SORCS1: variants seen among roughly 807,000 people sequenced by gnomAD.
SORCS1 encodes VPS10 domain-containing receptor SorCS1.
A neutral mutation model predicts 146.1 loss-of-function variants in SORCS1; 60 were observed. The observed-to-expected ratio is 0.41, with a 90% confidence interval of 0.33 to 0.51. The LOEUF (loss-of-function observed/expected upper bound fraction) is 0.51, where lower values mean the gene tolerates loss of function less well. Among genes scored for constraint, SORCS1 ranks in the 20% least tolerant of loss-of-function variants. The probability of loss-of-function intolerance (pLI) is 0.21; values close to 1 mark genes in which losing one functional copy is unlikely to be tolerated. For missense variants in SORCS1, 1,352 were observed against 1,487.6 expected (o/e 0.91, Z 1.50); for synonymous variants, 637 against 584.0 (o/e 1.09, Z -1.31).
chr10:107,003,072 A>G (rs973503830), intron 1 of SORCS1, among the ~76,000 whole-genome samples: 2 of 152,178 alleles, frequency 1.3e-5, no homozygotes, highest in Non-Finnish European at 2.9e-5. Context: ...CCTGGCCAAC[A>G]TGGTGAAACC....
chr10:106,889,482 G>A (rs74152261), intron 2 of SORCS1, among the ~76,000 whole-genome samples: 8,100 of 151,780 alleles, frequency 0.053, 596 homozygotes, highest in African/African-American at 0.16. Context: ...AGCACTTCCC[G>A]GCCAGGCACG....
At chr10:107,177,152 CTTTT>C in the SORCS1 span, among the ~76,000 whole-genome samples, 1 of 151,898 alleles carries the variant, frequency 6.6e-6, no homozygotes, top group East Asian at 1.9e-4. Context: ...ATAGTTTTGC[CTTTT>C]TTTAACTTGT....
At chr10:106,879,520 T>C (rs1027063770) in intron 2 of SORCS1, among the ~76,000 whole-genome samples, 1 of 152,216 alleles carries the variant, frequency 6.6e-6, no homozygotes, top group South Asian at 2.1e-4. Context: ...TTAGATGACA[T>C]GACAAAAGGG....
At chr10:106,716,827 T>TC (rs1234450903) in intron 6 of SORCS1, among the ~76,000 whole-genome samples, 1 of 152,140 alleles carries the variant, frequency 6.6e-6, no homozygotes, top group African/African-American at 2.4e-5. Flanking sequence ...CATGTTTTTT[T>TC]CTCTCTTAAA....
chr10:106,743,862 A>G (rs1216344882), intron 5 of SORCS1, among the ~76,000 whole-genome samples: 22 of 152,196 alleles, frequency 1.4e-4, no homozygotes, highest in Admixed American at 1.4e-3. Flanking sequence ...CATTCTTACA[A>G]TCCCTCCATC....
chr10:106,831,665 T>C (rs1019539520), intron 2 of SORCS1, among the ~76,000 whole-genome samples: 2 of 151,756 alleles, frequency 1.3e-5, no homozygotes, highest in African/African-American at 4.9e-5. Context: ...GAAAGCTGCA[T>C]AAAAGTGATC....
intron 5 of SORCS1, among the ~76,000 whole-genome samples, chr10:106,741,080 A>G (rs1857327451): frequency 6.6e-6 from 1 of 152,238 alleles, no homozygotes; most frequent in South Asian, 2.1e-4. Context: ...TCTGTTAGAG[A>G]TTAACTAGTT....
intron 1 of SORCS1, among the ~76,000 whole-genome samples, chr10:107,136,001 C>T (rs1362305921): frequency 2.6e-5 from 4 of 152,196 alleles, no homozygotes; most frequent in African/African-American, 9.6e-5. Context: ...TCATTCTTTC[C>T]CACCTCTTGC....
intron 1 of SORCS1, among the ~76,000 whole-genome samples, chr10:107,106,569 G>A (rs1421015628): frequency 1.3e-5 from 2 of 152,114 alleles, no homozygotes; most frequent in Admixed American, 6.6e-5. Flanking sequence ...TATCTTTGGG[G>A]ATGGCTTTTG....
intron 2 of SORCS1, among the ~76,000 whole-genome samples, chr10:106,870,059 G>T (rs1231326988): frequency 6.6e-6 from 1 of 151,960 alleles, no homozygotes; most frequent in East Asian, 1.9e-4. Flanking sequence ...CAACCAAGCA[G>T]AAAGCCAAAT....
Position 107,074,289 on chromosome 10 carries a change from C to T in SORCS1, c.558+89680G>A, listed in dbSNP as rs532077376. Among the ~76,000 whole-genome samples, 134 of 152,114 alleles carry T rather than the reference C, an allele frequency of 8.8e-4. 1 individual carries two copies. The highest frequency in any genetic ancestry group is 1.8e-3 in the Non-Finnish European group (122 of 68,018). ...AGGATGTCATACATATTTGGAATCA[C>T]GCATTATGCAGCCTTTTCAGATTGG... On this transcript the variant is annotated intron_variant, in intron 1 of 25. Coordinates refer to ENST00000263054, the MANE Select transcript of SORCS1 (RefSeq NM_052918.5).
chr10:106,770,002 A>G (rs1012703523), intron 4 of SORCS1, among the ~76,000 whole-genome samples: 7 of 152,194 alleles, frequency 4.6e-5, no homozygotes, highest in African/African-American at 1.7e-4. Context: ...CTGAGGCAGG[A>G]GAATCGCTGG....
chr10:106,671,079 A>G (rs1851560559), intron 16 of SORCS1, among the ~76,000 whole-genome samples, 158 bp downstream of exon 16: 1 of 152,154 alleles, frequency 6.6e-6, no homozygotes, highest in Non-Finnish European at 1.5e-5. Context: ...CCACATACAC[A>G]TACACATAGC....
intron 1 of SORCS1, among the ~76,000 whole-genome samples, chr10:107,008,143 T>TA (rs1470662594): frequency 6.6e-6 from 1 of 152,170 alleles, no homozygotes; most frequent in Non-Finnish European, 1.5e-5. Flanking sequence ...ACTAACATCA[T>TA]ACGATTCTTC....
intron 19 of SORCS1, among the ~76,000 whole-genome samples, chr10:106,624,599 G>T (rs1472437693): frequency 3.3e-5 from 5 of 151,958 alleles, no homozygotes; most frequent in African/African-American, 1.2e-4. Context: ...AATCTCAGGT[G>T]ATCTGCCTGA....
chr10:106,679,870 T>C (rs1852306967), intron 10 of SORCS1, 136 bp from the exon 11 acceptor site: 1 of 634,890 alleles, frequency 1.6e-6, no homozygotes, highest in Non-Finnish European at 2.8e-6. Context: ...CCACCCATTG[T>C]ATCTATACCT....
At chr10:107,160,276 G>T (rs1483980462) in intron 1 of SORCS1, among the ~76,000 whole-genome samples, 1 of 152,204 alleles carries the variant, frequency 6.6e-6, no homozygotes, top group Non-Finnish European at 1.5e-5. Context: ...CTTCTGTGCA[G>T]TCTGGGAATA....
At chr10:106,954,338 A>G (rs1333456577) in intron 2 of SORCS1, among the ~76,000 whole-genome samples, 1 of 152,212 alleles carries the variant, frequency 6.6e-6, no homozygotes, top group Non-Finnish European at 1.5e-5. Flanking sequence ...TCAGGGAAGT[A>G]TGAAGTTGCT....
At chr10:107,003,616 C>T (rs1300438271) in intron 1 of SORCS1, among the ~76,000 whole-genome samples, 1 of 152,096 alleles carries the variant, frequency 6.6e-6, no homozygotes, top group African/African-American at 2.4e-5. Context: ...TAAAAATGCA[C>T]CATCATGTCA....
Sources: gnomAD v4.1 joint callset for allele counts (sites outside exome capture counted in the v4.1 genomes callset) on GRCh38, gnomAD v4.1.1 for gene constraint, MANE v1.5 for transcripts, NCBI Gene and HGNC (gene_info 2026-07-23, HGNC 2026-07-21) for gene names.